KANK4: variants seen among roughly 807,000 people sequenced by gnomAD.
KANK4 encodes the protein KN motif and ankyrin repeat domain-containing protein 4.
KANK4 carries 50 observed loss-of-function variants against 80.8 expected under a neutral mutation model. The observed-to-expected ratio is 0.62, with a 90% CI of 0.49 to 0.78. KANK4 has a LOEUF of 0.78. KANK4 is among the 30% of genes least tolerant of loss of function. KANK4 has a pLI of 0.00. For missense variants in KANK4, 1,196 were observed against 1,240.1 expected, an observed-to-expected ratio of 0.96 and a Z score of 0.53; for synonymous variants, 465 against 506.9, an observed-to-expected ratio of 0.92 and a Z score of 1.11.
chr1:62,248,553 T>G (rs1671527326), intron 8 of KANK4, among the ~76,000 whole-genome samples: 1 of 151,552 alleles, frequency 6.6e-6, no homozygotes, highest in Admixed American at 6.6e-5. Flanking sequence ...TTTTGTTTTT[T>G]TTTTTTTGTG....
chr1:62,251,131 T>C (rs1281321040), intron 8 of KANK4, among the ~76,000 whole-genome samples: 1 of 152,144 alleles, frequency 6.6e-6, no homozygotes, highest in African/African-American at 2.4e-5. Flanking sequence ...AGGCTTACTG[T>C]CCCTTATCAA....
intron 4 of KANK4, among the ~76,000 whole-genome samples, chr1:62,269,072 C>T (rs1557484826): frequency 6.6e-6 from 1 of 152,252 alleles, no homozygotes; most frequent in Non-Finnish European, 1.5e-5. Flanking sequence ...TACCCCAGCA[C>T]AGCACCTGCC....
At chr1:62,292,607 G>T (rs1433730188) in intron 1 of KANK4, among the ~76,000 whole-genome samples, 1 of 152,208 alleles carries the variant, frequency 6.6e-6, no homozygotes. Flanking sequence ...GGGATTAGGA[G>T]TCCAATTTGT....
Position 62,271,488 on chromosome 1 carries a change from C to A in KANK4, c.2002G>T (p.Val668Phe). Reference protein sequence around the residue: ...GTKKNLQFVGVNGGYETTSSE... With the variant: ...GTKKNLQFVGFNGGYETTSSE... The stretch of plus-strand genomic sequence containing the variant: ...ACAAGCGATGCTTACCCACCGTTAA[C>A]CCCAACAAACTGAAGGTTCTTTTTG... The change falls in exon 4 of 10, where the codon GTT (valine) becomes TTT (phenylalanine). Residue 668 changes from valine to phenylalanine, a missense_variant. Val to Phe is a conservative substitution (Grantham distance 50, BLOSUM62 -1). Coordinates refer to ENST00000371153, the MANE Select transcript of KANK4 (RefSeq NM_181712.5). 1 of 1,611,770 alleles carries A rather than the reference C, an allele frequency of 6.2e-7. No homozygotes were observed. The highest frequency in any genetic ancestry group is 8.5e-7 in the Non-Finnish European group (1 of 1,177,880).
intron 8 of KANK4, among the ~76,000 whole-genome samples, chr1:62,249,700 G>A (rs991027337): frequency 9.3e-5 from 14 of 150,716 alleles, no homozygotes; most frequent in South Asian, 2.1e-4. Flanking sequence ...CCACCATTAC[G>A]CCAGGCTAAT....
chr1:62,241,955 T>C (rs940170649), intron 9 of KANK4, among the ~76,000 whole-genome samples: 5 of 152,046 alleles, frequency 3.3e-5, no homozygotes, highest in East Asian at 1.9e-4. Context: ...ACTGCAGACA[T>C]GGAGAGCAGA....
intron 2 of KANK4, among the ~76,000 whole-genome samples, chr1:62,276,403 G>A (rs1488545640): frequency 6.6e-6 from 1 of 152,220 alleles, no homozygotes; most frequent in East Asian, 1.9e-4. Context: ...GATCTCTGCT[G>A]TGTGACCTTG....
At chr1:62,308,809 G>A (rs367973518) in intron 1 of KANK4, among the ~76,000 whole-genome samples, 51 of 152,222 alleles carry the variant, frequency 3.4e-4, no homozygotes, top group African/African-American at 1.2e-3. Flanking sequence ...AATGTCACAG[G>A]GCCCAAACCC....
intron 1 of KANK4, among the ~76,000 whole-genome samples, chr1:62,291,732 C>T (rs1279600620): frequency 6.6e-6 from 1 of 152,152 alleles, no homozygotes; most frequent in East Asian, 1.9e-4. Context: ...CTTAGCCTCC[C>T]AAGTAGCTGG....
At chr1:62,277,199 C>T (rs1424499423) in intron 2 of KANK4, among the ~76,000 whole-genome samples, 1 of 152,192 alleles carries the variant, frequency 6.6e-6, no homozygotes. Context: ...ATAGTACAGG[C>T]TTCTTCCCTG....
Position 62,237,575 on chromosome 1 carries a change from CTTAA to C in KANK4, c.*698_*701del. 1 of 152,010 alleles carries C rather than the reference CTTAA, an allele frequency of 6.6e-6. No individual in the cohort carries two copies. Among genetic ancestry groups the C allele is most frequent in the Non-Finnish European group, 1.5e-5 (1 of 67,974 alleles). The allele number at this position is 152,010 out of a possible 1,614,324, so 9.4% of individuals were successfully genotyped here. ...TAGCAACTTACTAGATAATAAATTTCTTAATTAATTCCAATTTCCCTGGAGCAAA... is the reference window on the plus strand; with the variant it reads ...TAGCAACTTACTAGATAATAAATTTCTTAATTCCAATTTCCCTGGAGCAAA... On this transcript the variant is annotated 3_prime_UTR_variant, in exon 10 of 10. Coordinates refer to ENST00000371153, the MANE Select transcript of KANK4 (RefSeq NM_181712.5).
chr1:62,245,897 T>A (rs980391827), intron 9 of KANK4, among the ~76,000 whole-genome samples: 2 of 152,150 alleles, frequency 1.3e-5, no homozygotes, highest in African/African-American at 4.8e-5. Context: ...TGGCGGGCAC[T>A]CTACTAGGTG....
At chr1:62,297,933 A>G (rs576005857) in intron 1 of KANK4, among the ~76,000 whole-genome samples, 9 of 152,326 alleles carry the variant, frequency 5.9e-5, no homozygotes, top group African/African-American at 1.4e-4. Context: ...TTAGAAAGAC[A>G]TATTTTCAGG....
chr1:62,306,495 A>G (rs376122900), intron 1 of KANK4, among the ~76,000 whole-genome samples: 8 of 152,272 alleles, frequency 5.3e-5, no homozygotes, highest in Admixed American at 2.0e-4. Context: ...AACTAGATCA[A>G]TTTCCTCCAA....
chr1:62,317,891 G>A (rs1644555086), intron 1 of KANK4, among the ~76,000 whole-genome samples: 1 of 152,198 alleles, frequency 6.6e-6, no homozygotes. Flanking sequence ...CAGAGCATTT[G>A]TTGATTGAAT....
intron 7 of KANK4, among the ~76,000 whole-genome samples, chr1:62,255,870 G>A (rs1179719872): frequency 1.3e-5 from 2 of 152,156 alleles, no homozygotes; most frequent in African/African-American, 2.4e-5. Flanking sequence ...GACTGGTCTC[G>A]AACTCTTGAG....
chr1:62,273,118 T>G, intron 3 of KANK4, 86 bp downstream of exon 3: 2 of 969,040 alleles, frequency 2.1e-6, no homozygotes, highest in Non-Finnish European at 3.0e-6. Context: ...AACATGTTAA[T>G]ATAATTGAAA....
At chr1:62,273,173 T>A in intron 3 of KANK4, 31 bp downstream of exon 3, 1 of 1,403,088 alleles carries the variant, frequency 7.1e-7, no homozygotes, top group Non-Finnish European at 9.5e-7. Flanking sequence ...AATGGCTCCC[T>A]GTCTCAGGCC....
chr1:62,238,504 A>G, intron 9 of KANK4, 123 bp from the exon 10 acceptor site: 1 of 694,182 alleles, frequency 1.4e-6, no homozygotes, highest in Non-Finnish European at 2.5e-6. Context: ...GCTTCCAGAG[A>G]CCTCGGTAGA....
Sources: gnomAD v4.1 joint callset for allele counts (sites outside exome capture counted in the v4.1 genomes callset) on GRCh38, gnomAD v4.1.1 for gene constraint, MANE v1.5 for transcripts, NCBI Gene and HGNC (gene_info 2026-07-23, HGNC 2026-07-21) for gene names.